Variants in MIPEP observed in about 807,000 individuals in gnomAD.
MIPEP encodes mitochondrial intermediate peptidase.
In MIPEP, 79 loss-of-function variants were observed where a neutral mutation model predicts 90.3. The observed-to-expected ratio is 0.87, with a 90% CI of 0.73 to 1.05. The LOEUF is 1.05. MIPEP is among the 50% of genes least tolerant of loss of function. MIPEP has a pLI of 0.00. For missense variants in MIPEP, 940 were observed against 905.6 expected, an observed-to-expected ratio of 1.04 and a Z score of -0.49; for synonymous variants, 334 against 315.8, an observed-to-expected ratio of 1.06 and a Z score of -0.61.
intron 3 of MIPEP, among the ~76,000 whole-genome samples, chr13:23,880,608 C>T (rs1018891397): frequency 2.0e-5 from 3 of 152,228 alleles, no homozygotes; most frequent in Non-Finnish European, 4.4e-5. Context: ...TTCCCAGGGG[C>T]CTTTCCCCGA....
At chr13:23,768,119 G>T (rs1326132) in intron 16 of MIPEP, among the ~76,000 whole-genome samples, 106,593 of 152,106 alleles carry the variant, frequency 0.7, 39,902 homozygotes, top group Non-Finnish European at 0.83. Flanking sequence ...GTGAAGACTG[G>T]AATCACCACC....
chr13:23,787,669 T>C (rs1278902730), intron 16 of MIPEP, among the ~76,000 whole-genome samples: 2 of 152,190 alleles, frequency 1.3e-5, no homozygotes, highest in East Asian at 1.9e-4. Flanking sequence ...TGCTCTGCAG[T>C]GAATGATTGC....
intron 14 of MIPEP, among the ~76,000 whole-genome samples, chr13:23,825,795 A>T (rs1868425051): frequency 6.6e-6 from 1 of 152,238 alleles, no homozygotes; most frequent in Non-Finnish European, 1.5e-5. Context: ...CACAGTAACT[A>T]CAGTTAGTCC....
At chr13:23,799,572 C>T (rs1025149376) in intron 16 of MIPEP, among the ~76,000 whole-genome samples, 5 of 152,104 alleles carry the variant, frequency 3.3e-5, no homozygotes, top group African/African-American at 7.2e-5. Context: ...ATGGTCCGCC[C>T]GCCTCGGCCT....
At chr13:23,780,432 T>C (rs1211328575) in intron 16 of MIPEP, among the ~76,000 whole-genome samples, 1 of 152,122 alleles carries the variant, frequency 6.6e-6, no homozygotes, top group Non-Finnish European at 1.5e-5. Flanking sequence ...AGAAAGGACA[T>C]CCACACCAAA....
chr13:23,782,062 CA>C (rs1258046681), intron 16 of MIPEP, among the ~76,000 whole-genome samples: 3 of 152,148 alleles, frequency 2.0e-5, no homozygotes, highest in African/African-American at 7.2e-5. Flanking sequence ...AGAAAGTTAA[CA>C]AGGATATCCA....
At chr13:23,856,645 G>A (rs567514599) in intron 10 of MIPEP, among the ~76,000 whole-genome samples, 1 of 152,146 alleles carries the variant, frequency 6.6e-6, no homozygotes, top group Admixed American at 6.5e-5. Context: ...GAGTAGTGAG[G>A]GCAGCCAGAA....
At chr13:23,802,154 T>C (rs1953050307) in intron 16 of MIPEP, among the ~76,000 whole-genome samples, 1 of 152,212 alleles carries the variant, frequency 6.6e-6, no homozygotes, top group East Asian at 1.9e-4. Context: ...AAACCAGTGA[T>C]AGTAAAATAT....
intron 9 of MIPEP, among the ~76,000 whole-genome samples, chr13:23,859,331 G>T (rs190614509): frequency 3.9e-5 from 6 of 152,280 alleles, no homozygotes; most frequent in Admixed American, 6.5e-5. Flanking sequence ...AAGAAGCTTT[G>T]GGTAGATATC....
At chr13:23,828,500 T>C (rs571102489) in intron 14 of MIPEP, among the ~76,000 whole-genome samples, 2 of 152,322 alleles carry the variant, frequency 1.3e-5, no homozygotes, top group African/African-American at 4.8e-5. Context: ...AAGAGCACTA[T>C]ACAAAAATGG....
chr13:23,854,249 G>T (rs1593192568), intron 10 of MIPEP, among the ~76,000 whole-genome samples: 1 of 116,180 alleles, frequency 8.6e-6, no homozygotes, highest in Non-Finnish European at 1.8e-5. Context: ...TACTTATATT[G>T]CTCTACTTCT....
At chr13:23,744,119 A>G (rs1025128629) in intron 18 of MIPEP, among the ~76,000 whole-genome samples, 1 of 152,244 alleles carries the variant, frequency 6.6e-6, no homozygotes, top group African/African-American at 2.4e-5. Flanking sequence ...GTAAAGTTCC[A>G]AATCTTGCTT....
At chr13:23,766,196 AGAT>A (rs760454957) in intron 16 of MIPEP, 1 of 152,232 alleles carries the variant, frequency 6.6e-6, no homozygotes, top group Non-Finnish European at 1.5e-5. Context: ...ATTATTTGAT[AGAT>A]GATGTAAGGT....
In MIPEP at chr13:23,791,584, G is replaced by A. The variant is rs139231623; in HGVS notation, c.1848+14366C>T. On this transcript the variant is annotated intron_variant, in intron 16 of 18. Coordinates refer to ENST00000382172, the MANE Select transcript of MIPEP (RefSeq NM_005932.4). Reference sequence around the variant, plus strand: ...GCTCTACGGGCTAACCCCTCCACCCGTACAAAAATCCCTTCCCCTTGTCTA... The same window carrying A: ...GCTCTACGGGCTAACCCCTCCACCCATACAAAAATCCCTTCCCCTTGTCTA... 5.1e-3 allele frequency among the ~76,000 whole-genome samples: 769 copies of A among 152,152 alleles called. 6 individuals carry two copies. Among genetic ancestry groups the A allele is most frequent in the Middle Eastern group, 0.017 (5 of 294 alleles).
At chr13:23,786,390 A>T (rs1952840116) in intron 16 of MIPEP, among the ~76,000 whole-genome samples, 1 of 152,198 alleles carries the variant, frequency 6.6e-6, no homozygotes, top group Non-Finnish European at 1.5e-5. Context: ...CTTTAAGCAT[A>T]ACAGGAAACG....
At chr13:23,858,345 C>CTTTA (rs1267929339) in intron 10 of MIPEP, among the ~76,000 whole-genome samples, 1 of 151,678 alleles carries the variant, frequency 6.6e-6, no homozygotes, top group Admixed American at 6.6e-5. Context: ...TTCCTTAAAT[C>CTTTA]TTTATTTCAT....
intron 16 of MIPEP, chr13:23,760,510 A>C (rs1244214043): frequency 1.7e-6 from 1 of 595,744 alleles, no homozygotes; most frequent in Non-Finnish European, 3.3e-6. Context: ...AAGCTCTTAG[A>C]CTGGGCCCTT....
At chr13:23,782,449 T>C (rs376173202) in intron 16 of MIPEP, among the ~76,000 whole-genome samples, 1 of 152,228 alleles carries the variant, frequency 6.6e-6, no homozygotes, top group Non-Finnish European at 1.5e-5. Context: ...GGGACACATT[T>C]AAAGCAGTGT....
rs748078786 is a variant in MIPEP at position 23,862,273 on chromosome 13, T to C, written c.1053+29A>G. ...GATTTCAGTTGACAGACTGTCTATA[T>C]TATAATAAAAATATTCCAACATACT... On this transcript the variant is annotated intron_variant, in intron 9 of 18. Transcript: ENST00000382172. The C allele has an allele frequency of 9.0e-6, 12 of 1,334,768 alleles. No homozygotes were observed. In the African/African-American group the frequency reaches 1.7e-4, roughly 19 times the overall value. The allele number at this position is 1,334,768 out of a possible 1,614,324, so 82.7% of individuals were successfully genotyped here. A position where few individuals can be genotyped will look rare whatever the true frequency, so the allele number is the denominator to read the frequency against.
Sources: allele counts gnomAD v4.1 joint callset (sites outside exome capture counted in the v4.1 genomes callset), GRCh38; gene constraint gnomAD v4.1.1; transcripts MANE v1.5; gene names NCBI Gene and HGNC (gene_info 2026-07-23, HGNC 2026-07-21).